The following FARP2 variants were observed in gnomAD, a reference collection of about 807,000 sequenced individuals.
FARP2 encodes the protein FERM, ARHGEF and pleckstrin domain-containing protein 2.
A neutral mutation model predicts 130.5 loss-of-function variants in FARP2; 111 were observed. That is an observed-to-expected ratio of 0.85 (90% CI 0.73 to 1.00). The LOEUF is 1.00. Among genes scored for constraint, FARP2 ranks in the 50% least tolerant of loss-of-function variants. The pLI, the probability that FARP2 is intolerant of heterozygous loss-of-function variation, is 0.00. For missense variants in FARP2, 1,385 were observed against 1,346.3 expected, an observed-to-expected ratio of 1.03 and a Z score of -0.45; for synonymous variants, 504 against 516.9, an observed-to-expected ratio of 0.98 and a Z score of 0.34.
chr2:241,420,267 TC>T (rs1202201976), intron 8 of FARP2, among the ~76,000 whole-genome samples: 1 of 152,182 alleles, frequency 6.6e-6, no homozygotes, highest in Non-Finnish European at 1.5e-5. Context: ...TAATGAGACA[TC>T]CTTCAAGATG....
intron 2 of FARP2, chr2:241,386,785 T>G (rs2061794258): frequency 6.6e-6 from 1 of 152,258 alleles, no homozygotes; most frequent in Non-Finnish European, 1.5e-5. Flanking sequence ...AGCTGCTGTT[T>G]TTCTTATCTG....
At chr2:241,451,961 G>T (rs2063670327) in intron 13 of FARP2, among the ~76,000 whole-genome samples, 1 of 152,132 alleles carries the variant, frequency 6.6e-6, no homozygotes, top group Non-Finnish European at 1.5e-5. Flanking sequence ...CACCATGCTG[G>T]CCAGGCTTCT....
intron 2 of FARP2, among the ~76,000 whole-genome samples, chr2:241,403,301 T>C (rs2062242269): frequency 2.6e-5 from 4 of 151,964 alleles, no homozygotes; most frequent in South Asian, 2.1e-4. Context: ...TGCAGCCTCC[T>C]TCTTGCAAGT....
At chr2:241,467,419 G>T (rs1409451088) in intron 17 of FARP2, among the ~76,000 whole-genome samples, 1 of 152,174 alleles carries the variant, frequency 6.6e-6, no homozygotes, top group East Asian at 1.9e-4. Flanking sequence ...GCTGAGATGG[G>T]TGGATTGCTT....
chr2:241,463,972 C>T lies in FARP2; in HGVS notation c.1885C>T (p.Gln629Ter). Residue 629 changes from glutamine to a stop codon, truncating the protein, a stop_gained, in exon 17 of 27, where the codon CAG becomes TAG. Coordinates refer to ENST00000264042, the MANE Select transcript of FARP2 (RefSeq NM_014808.4). LOFTEE classifies it high-confidence loss of function. ...GGACATCCTGCTCAGGAACATGCGC[C>T]AGTTAAAGGTAGGCTGCATGGTGAC... ...IGDILLRNMR[Q>*]LKEFTSYFQR... 7 of 1,613,790 alleles carry T rather than the reference C, an allele frequency of 4.3e-6. No individual in the cohort carries two copies. Among genetic ancestry groups the T allele is most frequent in the Non-Finnish European group, 5.9e-6 (7 of 1,179,764 alleles).
At chr2:241,409,207 T>C (rs1302651504) in intron 5 of FARP2, among the ~76,000 whole-genome samples, 2 of 152,172 alleles carry the variant, frequency 1.3e-5, no homozygotes, top group African/African-American at 2.4e-5. Flanking sequence ...GGATTCTTTT[T>C]TCTGTTTATA....
intron 8 of FARP2, among the ~76,000 whole-genome samples, chr2:241,428,155 TTTTGTTTTGC>T (rs1461555557): frequency 6.6e-6 from 1 of 152,084 alleles, no homozygotes; most frequent in African/African-American, 2.4e-5. Flanking sequence ...TTTGTTGATG[TTTTGTTTTGC>T]TTTGTTTTTG....
At chr2:241,466,689 ACCCC>A (rs1185189860) in intron 17 of FARP2, 11 of 499,026 alleles carry the variant, frequency 2.2e-5, no homozygotes, top group Admixed American at 2.6e-4. Context: ...CCTTCCAACC[ACCCC>A]CCCCCCCACC....
chr2:241,398,694 C>T (rs2062089258), intron 2 of FARP2, among the ~76,000 whole-genome samples: 1 of 151,968 alleles, frequency 6.6e-6, no homozygotes, highest in East Asian at 1.9e-4. Flanking sequence ...CTCAGCCTCC[C>T]AAGTAGCTGG....
chr2:241,492,233 G>A (rs2064944716), intron 24 of FARP2, among the ~76,000 whole-genome samples: 1 of 152,102 alleles, frequency 6.6e-6, no homozygotes, highest in South Asian at 2.1e-4. Context: ...GCTGGGCAGG[G>A]GCTCAGGAGC....
chr2:241,416,066 G>C (rs992674118), intron 7 of FARP2, among the ~76,000 whole-genome samples: 2 of 151,682 alleles, frequency 1.3e-5, no homozygotes, highest in East Asian at 1.9e-4. Context: ...ATGTGTGGCT[G>C]TGTGGTCGTG....
intron 1 of FARP2, among the ~76,000 whole-genome samples, chr2:241,368,274 C>T (rs2061356840): frequency 6.6e-6 from 1 of 152,020 alleles, no homozygotes; most frequent in South Asian, 2.1e-4. Context: ...AAGAAGATGG[C>T]ACAATAAGCT....
chr2:241,440,358 GA>G (rs1379763269), intron 12 of FARP2, among the ~76,000 whole-genome samples: 1 of 152,218 alleles, frequency 6.6e-6, no homozygotes, highest in Non-Finnish European at 1.5e-5. Flanking sequence ...TTAGTGAGTA[GA>G]GGGGGCTCAG....
intron 17 of FARP2, chr2:241,466,698 C>A (rs13425582): frequency 0.21 from 131,262 of 628,696 alleles, 18,028 homozygotes; most frequent in East Asian, 0.5. Context: ...CACCCCCCCC[C>A]CCACCACCAC....
intron 1 of FARP2, among the ~76,000 whole-genome samples, chr2:241,369,087 G>C (rs1220541009): frequency 1.3e-5 from 2 of 152,052 alleles, no homozygotes; most frequent in Non-Finnish European, 2.9e-5. Context: ...GTTGACGTCT[G>C]TCTGGGCTAA....
chr2:241,446,913 A>G (rs1477475173), intron 13 of FARP2: 1 of 152,210 alleles, frequency 6.6e-6, no homozygotes, highest in East Asian at 1.9e-4. Flanking sequence ...AGGAAGCGCC[A>G]TCTTTAGCAT....
rs535404336 is a variant in FARP2 at position 241,431,810 on chromosome 2, T to TTTTA, written c.867+56_867+59dup. The TTTTA allele has an allele frequency of 9.5e-4, 718 of 759,200 alleles. 2 individuals are homozygous for TTTTA. The African/African-American group carries it at 0.012, about 13-fold the overall frequency. The allele number at this position is 759,200 out of a possible 1,614,324, so 47.0% of individuals were successfully genotyped here. ...TTTTCAACTTTTTATTTTTATTTTA[T>TTTTA]TTTATTTATTTATTTATTTATTTTT... On this transcript the variant is annotated intron_variant, in intron 9 of 26. Transcript: ENST00000264042.
At chr2:241,473,542 C>T (rs550696960) in intron 18 of FARP2, among the ~76,000 whole-genome samples, 2 of 152,222 alleles carry the variant, frequency 1.3e-5, no homozygotes, top group Non-Finnish European at 2.9e-5. Context: ...GAGCTTCCAG[C>T]AGCTGCCAGT....
At chr2:241,366,578 A>G (rs755222187) in intron 1 of FARP2, among the ~76,000 whole-genome samples, 11 of 152,120 alleles carry the variant, frequency 7.2e-5, no homozygotes, top group Admixed American at 2.6e-4. Flanking sequence ...TCTGAAAGTG[A>G]TCTTCCTTTT....
Sources: gnomAD v4.1 joint callset for allele counts (sites outside exome capture counted in the v4.1 genomes callset) on GRCh38, gnomAD v4.1.1 for gene constraint, MANE v1.5 for transcripts, NCBI Gene and HGNC (gene_info 2026-07-23, HGNC 2026-07-21) for gene names.